The following PREP variants were observed in gnomAD, a reference collection of about 807,000 sequenced individuals.
PREP encodes the protein dJ355L5.1 (prolyl endopeptidase).
Under a neutral mutation model 87.6 loss-of-function variants are expected in PREP, and 29 were observed. That is an observed-to-expected ratio of 0.33 (90% confidence interval 0.25 to 0.45). The LOEUF is 0.45. Ranked by LOEUF, PREP falls within the 20% of genes least tolerant of loss-of-function variation. PREP has a pLI of 1.00. For missense variants in PREP, 695 were observed against 886.5 expected, an observed-to-expected ratio of 0.78 and a Z score of 2.74; for synonymous variants, 337 against 328.6, an observed-to-expected ratio of 1.03 and a Z score of -0.28.
chr6:105,305,180 A>G (rs1221418408), intron 10 of PREP, among the ~76,000 whole-genome samples: 1 of 152,242 alleles, frequency 6.6e-6, no homozygotes, highest in African/African-American at 2.4e-5. Flanking sequence ...CTCTGGTCAG[A>G]ATGTTCATTA....
intron 6 of PREP, among the ~76,000 whole-genome samples, chr6:105,367,470 G>T (rs1056758011): frequency 6.6e-6 from 1 of 152,046 alleles, no homozygotes; most frequent in Non-Finnish European, 1.5e-5. Context: ...TCAGGAGATC[G>T]AGACCATCCC....
In PREP at chr6:105,274,431, A is replaced by G. The variant is rs1193432783; in HGVS notation, c.*3713T>C. Among the ~76,000 whole-genome samples the G allele has an allele frequency of 6.6e-6, 1 of 152,132 alleles. No homozygotes were observed. The highest frequency in any genetic ancestry group is 1.5e-5 in the Non-Finnish European group (1 of 68,016). ...TTTGGGATTTACGATTTCAACATAT[A>G]CATTTCGGGGAGGACATAAACACTC... On this transcript the variant is annotated 3_prime_UTR_variant, in exon 15 of 15. Coordinates refer to ENST00000652536, the MANE Select transcript of PREP (RefSeq NM_002726.5).
At chr6:105,287,562 A>T (rs533977728) in intron 11 of PREP, among the ~76,000 whole-genome samples, 4 of 152,220 alleles carry the variant, frequency 2.6e-5, no homozygotes, top group Non-Finnish European at 5.9e-5. Context: ...TACTTCATTA[A>T]ATCTAAAATA....
intron 5 of PREP, among the ~76,000 whole-genome samples, chr6:105,372,520 C>A (rs895690367): frequency 6.6e-6 from 1 of 152,130 alleles, no homozygotes; most frequent in Admixed American, 6.5e-5. Flanking sequence ...GCCCTTCCTG[C>A]CTGGGAAAAT....
chr6:105,322,603 C>T (rs1771040673), intron 10 of PREP: 1 of 986,952 alleles, frequency 1.0e-6, no homozygotes, highest in South Asian at 4.7e-5. Flanking sequence ...TTCAGGCCTT[C>T]TGGGACATAG....
chr6:105,377,542 A>C, intron 2 of PREP, 23 bp from the exon 3 acceptor site: 1 of 1,603,956 alleles, frequency 6.2e-7, no homozygotes, highest in Non-Finnish European at 8.5e-7. Flanking sequence ...TAAAATGGAC[A>C]AAGCAAGTTA....
At chr6:105,325,133 A>T (rs1771116490) in intron 9 of PREP, among the ~76,000 whole-genome samples, 1 of 152,162 alleles carries the variant, frequency 6.6e-6, no homozygotes, top group African/African-American at 2.4e-5. Flanking sequence ...GGTATATTTT[A>T]ATTTTTAAGA....
chr6:105,371,821 T>C (rs1445928200), intron 5 of PREP, among the ~76,000 whole-genome samples: 1 of 152,238 alleles, frequency 6.6e-6, no homozygotes, highest in Admixed American at 6.5e-5. Context: ...GGCTTTCTTA[T>C]ATCTATCACA....
chr6:105,381,397 T>C lies in PREP; in HGVS notation c.121-3878A>G, dbSNP rs112896792. ...GTCATTTATGTATTTAACAGGTATA[T>C]CATCTTGGTTGATCTAAATATTAGA... On this transcript the variant is annotated intron_variant, in intron 2 of 14. Coordinates refer to ENST00000652536, the MANE Select transcript of PREP (RefSeq NM_002726.5). Among the ~76,000 whole-genome samples the C allele has an allele frequency of 7.6e-3, 1,151 of 152,006 alleles. 14 individuals are homozygous for C. The highest frequency in any genetic ancestry group is 0.025 in the African/African-American group (1,038 of 41,442).
At chr6:105,371,280 G>A (rs932794470) in intron 5 of PREP, among the ~76,000 whole-genome samples, 2 of 152,050 alleles carry the variant, frequency 1.3e-5, no homozygotes, top group Admixed American at 1.3e-4. Flanking sequence ...CGAGGTGGGA[G>A]GATCACAAGG....
intron 6 of PREP, among the ~76,000 whole-genome samples, chr6:105,356,182 A>G (rs1240423138): frequency 6.6e-6 from 1 of 152,098 alleles, no homozygotes; most frequent in Non-Finnish European, 1.5e-5. Flanking sequence ...TGCCTGCAAA[A>G]CATTTTGCGG....
At chr6:105,287,445 C>T (rs1770211430) in intron 11 of PREP, among the ~76,000 whole-genome samples, 1 of 152,140 alleles carries the variant, frequency 6.6e-6, no homozygotes. Context: ...ACACAAAAAC[C>T]TCCCATCAGC....
At chr6:105,288,244 T>G (rs546151665) in intron 11 of PREP, among the ~76,000 whole-genome samples, 40 of 152,332 alleles carry the variant, frequency 2.6e-4, no homozygotes, top group Non-Finnish European at 4.7e-4. Flanking sequence ...GAGGACATTT[T>G]TGGTTGTTTT....
At chr6:105,339,818 C>T (rs568251810) in intron 7 of PREP, among the ~76,000 whole-genome samples, 143 of 151,936 alleles carry the variant, frequency 9.4e-4, no homozygotes, top group African/African-American at 2.9e-3. Flanking sequence ...TGAAATGAAG[C>T]GAGAAGAAAA....
At chr6:105,345,823 G>A (rs777035792) in intron 7 of PREP, among the ~76,000 whole-genome samples, 3 of 152,122 alleles carry the variant, frequency 2.0e-5, no homozygotes, top group African/African-American at 7.2e-5. Flanking sequence ...ATAATAATCC[G>A]TGCTCCTCGG....
rs1207069156 is a variant in PREP at position 105,288,782 on chromosome 6, T to C, written c.1430A>G (p.Asn477Ser). 2 of 1,614,174 alleles carry C rather than the reference T, an allele frequency of 1.2e-6. No homozygotes were observed. Among genetic ancestry groups the C allele is most frequent in the East Asian group, 2.2e-5 (1 of 44,892 alleles). The change falls in exon 11 of 15, where the codon AAC becomes AGC. Residue 477 changes from asparagine to serine, a missense_variant. This residue lies in a region of PREP where 517 missense variants were observed against 620.3 expected (regional missense o/e 0.83). Coordinates refer to ENST00000652536, the MANE Select transcript of PREP (RefSeq NM_002726.5). ...CCTGTAGTTGGGTGTGATGGATATG[T>C]TGAAGCCGCCATAGCCATATAAGAA... ...PAFLYGYGGF[N>S]ISITPNYSVS...
intron 2 of PREP, among the ~76,000 whole-genome samples, chr6:105,379,279 G>A (rs1772010938): frequency 6.6e-6 from 1 of 152,226 alleles, no homozygotes; most frequent in South Asian, 2.1e-4. Flanking sequence ...AAAACCAACA[G>A]AGACTTATGT....
At position 105,315,713 on chromosome 6, in the gene PREP, AC is replaced by A. The variant is rs544895184; in HGVS notation, c.1317+7951del. Among the ~76,000 whole-genome samples, 16 of 152,362 alleles carry A rather than the reference AC, an allele frequency of 1.1e-4. No individual in the cohort carries two copies. In the East Asian group the frequency reaches 3.1e-3, roughly 29 times the overall value. ...ATATTGAAAATGTTTTAGTACAGCCACCTTCATCAATTATTTTAGCTAGATC... is the reference window on the plus strand; with the variant it reads ...ATATTGAAAATGTTTTAGTACAGCCACTTCATCAATTATTTTAGCTAGATC... On this transcript the variant is annotated intron_variant, in intron 10 of 14. Coordinates refer to ENST00000652536, the MANE Select transcript of PREP (RefSeq NM_002726.5).
At chr6:105,392,497 C>G (rs774324925) in intron 2 of PREP, among the ~76,000 whole-genome samples, 1 of 152,212 alleles carries the variant, frequency 6.6e-6, no homozygotes, top group Non-Finnish European at 1.5e-5. Context: ...ATTTCTAACT[C>G]AAAGCTTTTC....
Sources: gnomAD v4.1 joint callset for allele counts (sites outside exome capture counted in the v4.1 genomes callset) on GRCh38, gnomAD v4.1.1 for gene constraint, gnomAD v4.1.1 regional missense constraint, MANE v1.5 for transcripts, NCBI Gene and HGNC (gene_info 2026-07-23, HGNC 2026-07-21) for gene names.